FREM1: variants seen among roughly 807,000 people sequenced by gnomAD.
FREM1 encodes FRAS1-related extracellular matrix protein 1.
Under a neutral mutation model 210.1 loss-of-function variants are expected in FREM1, and 220 were observed. The observed-to-expected ratio is 1.05, with a 90% CI of 0.94 to 1.17. The LOEUF is 1.17. FREM1 is among the 50% of genes most tolerant of loss of function. The probability of loss-of-function intolerance (pLI) is 0.00; values close to 1 mark genes in which losing one functional copy is unlikely to be tolerated. For missense variants in FREM1, 3,454 were observed against 2,675.5 expected (o/e 1.29, Z -6.42); for synonymous variants, 1,189 against 980.2 (o/e 1.21, Z -3.98).
chr9:14,860,853 G>GTGTATATACACA (rs1830004027), intron 3 of FREM1, among the ~76,000 whole-genome samples: 1 of 47,244 alleles, frequency 2.1e-5, no homozygotes, highest in African/African-American at 1.6e-4. Context: ...ACATATATAC[G>GTGTATATACACA]TATATATACA....
intron 1 of FREM1, among the ~76,000 whole-genome samples, chr9:14,902,315 C>T (rs1838927888): frequency 6.6e-6 from 1 of 152,226 alleles, no homozygotes; most frequent in East Asian, 1.9e-4. Flanking sequence ...GATCTCTGAC[C>T]GTGTCTCCAT....
At chr9:14,844,607 A>C (rs977494041) in intron 8 of FREM1, among the ~76,000 whole-genome samples, 1 of 152,206 alleles carries the variant, frequency 6.6e-6, no homozygotes, top group African/African-American at 2.4e-5. Context: ...TAGAGGAATA[A>C]ACGATTTAAC....
chr9:14,872,033 G>C (rs955611173), intron 1 of FREM1, among the ~76,000 whole-genome samples: 3 of 152,152 alleles, frequency 2.0e-5, no homozygotes, highest in African/African-American at 7.2e-5. Flanking sequence ...CTATATCTCT[G>C]TTTTGGTACC....
chr9:14,770,845 C>A, intron 25 of FREM1, 39 bp from the exon 26 acceptor site: 1 of 1,468,486 alleles, frequency 6.8e-7, no homozygotes. Context: ...TGTCCAAAGG[C>A]CCCTCACCCC....
intron 23 of FREM1, among the ~76,000 whole-genome samples, chr9:14,788,074 C>T (rs1182291471): frequency 1.3e-5 from 2 of 152,078 alleles, no homozygotes; most frequent in African/African-American, 2.4e-5. Flanking sequence ...ATTCAATTTA[C>T]CTCTGAGCTT....
chr9:14,749,568 T>G (rs1165826873), intron 30 of FREM1, among the ~76,000 whole-genome samples: 2 of 152,234 alleles, frequency 1.3e-5, no homozygotes, highest in Non-Finnish European at 2.9e-5. Flanking sequence ...CTGGCTGGTC[T>G]TTATTTTATT....
intron 6 of FREM1, 93 bp from the exon 7 acceptor site, chr9:14,848,866 A>C: frequency 1.6e-6 from 1 of 640,942 alleles, no homozygotes; most frequent in Non-Finnish European, 2.7e-6. Context: ...CAGTGGATTC[A>C]GTTTTCTGCG....
intron 18 of FREM1, among the ~76,000 whole-genome samples, chr9:14,806,248 T>C (rs554227630): frequency 1.2e-4 from 17 of 143,276 alleles, no homozygotes; most frequent in Middle Eastern, 7.4e-3. Context: ...ATATGGTGCT[T>C]TAAACTTTTT....
At chr9:14,860,994 T>TATATATACACATATATAC (rs1564104247) in intron 3 of FREM1, among the ~76,000 whole-genome samples, 3 of 102,800 alleles carry the variant, frequency 2.9e-5, no homozygotes, top group Non-Finnish European at 5.1e-5. Flanking sequence ...CATATATACA[T>TATATATACACATATATAC]ATATATACAC....
chr9:14,804,863 G>C (rs2133373040), intron 19 of FREM1, 93 bp downstream of exon 19: 1 of 868,168 alleles, frequency 1.2e-6, no homozygotes, highest in Non-Finnish European at 1.9e-6. Context: ...CCAATGCAAT[G>C]TGTTAATGCA....
intron 1 of FREM1, among the ~76,000 whole-genome samples, chr9:14,897,299 C>A (rs150841399): frequency 6.6e-6 from 1 of 152,114 alleles, no homozygotes; most frequent in African/African-American, 2.4e-5. Flanking sequence ...TTGTCTAAGG[C>A]AAATTCTCTT....
chr9:14,868,726 A>G lies in FREM1; in HGVS notation c.234+18T>C. ...ATTCATACACACGACTGAACAGAAA[A>G]TCGCAGATAGGACCTACCTGTGGAG... On this transcript the variant is annotated intron_variant, in intron 2 of 36. Coordinates refer to ENST00000380880, the MANE Select transcript of FREM1 (RefSeq NM_001379081.2). 3 of 1,510,504 alleles carry G rather than the reference A, an allele frequency of 2.0e-6. No individual in the cohort carries two copies. Among genetic ancestry groups the G allele is most frequent in the Non-Finnish European group, 1.8e-6 (2 of 1,093,142 alleles). 93.6% of individuals were successfully genotyped at this position (1,510,504 alleles called of 1,614,324 possible).
Position 14,750,217 on chromosome 9 carries a change from C to T in FREM1, c.5467G>A (p.Glu1823Lys). Residue 1823 changes from glutamate to lysine, a missense_variant, in exon 30 of 37, where the codon GAG (glutamate) becomes AAG (lysine). By Grantham distance (56) the Glu-to-Lys change is moderately conservative. Coordinates refer to ENST00000380880, the MANE Select transcript of FREM1 (RefSeq NM_001379081.2). ...GAGTTCAGAATTACTTCAAAGACCT[C>T]ATCATCTTCCTCTAATCCGTCATAG... ...ITYDGLEEDD[E>K]VFEVILNSPV... The T allele has an allele frequency of 6.2e-7, 1 of 1,613,314 alleles. No homozygotes were observed. The highest frequency in any genetic ancestry group is 1.1e-5 in the South Asian group (1 of 91,038).
At chr9:14,796,098 T>A (rs1375001367) in intron 21 of FREM1, among the ~76,000 whole-genome samples, 1 of 152,184 alleles carries the variant, frequency 6.6e-6, no homozygotes, top group Non-Finnish European at 1.5e-5. Flanking sequence ...AAATCTATCA[T>A]CAGTATTTCC....
chr9:14,900,656 G>A (rs1838625479), intron 1 of FREM1, among the ~76,000 whole-genome samples: 1 of 152,192 alleles, frequency 6.6e-6, no homozygotes, highest in African/African-American at 2.4e-5. Flanking sequence ...AAGAAAGACA[G>A]GACGCTCCAA....
Position 14,784,585 on chromosome 9 carries a change from T to C in FREM1, c.4227A>G (p.Arg1409=). Residue 1409 remains arginine (R), a synonymous_variant, in exon 24 of 37, where the codon AGA becomes AGG. Transcript: ENST00000380880. ...GGAGCGTGGTGGTTGTTAAGAAACCTCTATCACCTTTAGACACCACGAGTG... is the reference window on the plus strand; with the variant it reads ...GGAGCGTGGTGGTTGTTAAGAAACCCCTATCACCTTTAGACACCACGAGTG... ...TKPLVVSKGD[R]GFLTTTTLLA... is the part of the protein sequence containing the mutation. 1 of 1,609,588 alleles carries C rather than the reference T, an allele frequency of 6.2e-7. No individual in the cohort carries two copies. The highest frequency in any genetic ancestry group is 8.5e-7 in the Non-Finnish European group (1 of 1,177,746).
intron 2 of FREM1, among the ~76,000 whole-genome samples, chr9:14,867,859 T>G (rs1236790265): frequency 6.6e-6 from 1 of 152,126 alleles, no homozygotes. Flanking sequence ...GAAGCAATTT[T>G]TTAAAATTAT....
intron 27 of FREM1, among the ~76,000 whole-genome samples, chr9:14,763,703 T>C (rs1020160053): frequency 7.2e-5 from 11 of 152,192 alleles, no homozygotes; most frequent in African/African-American, 2.7e-4. Flanking sequence ...CACAATGTCT[T>C]TCCCAAACAC....
intron 21 of FREM1, among the ~76,000 whole-genome samples, chr9:14,793,446 G>C (rs1018926841): frequency 1.3e-5 from 2 of 152,170 alleles, no homozygotes; most frequent in African/African-American, 4.8e-5. Flanking sequence ...TCTTTTCCCA[G>C]TGTTACAGAT....
Sources: allele counts gnomAD v4.1 joint callset (sites outside exome capture counted in the v4.1 genomes callset), GRCh38; gene constraint gnomAD v4.1.1; transcripts MANE v1.5; gene names NCBI Gene and HGNC (gene_info 2026-07-23, HGNC 2026-07-21).